Variants in IQCM observed in about 807,000 individuals in gnomAD.
IQCM encodes IQ domain-containing protein M.
IQCM carries 45 observed loss-of-function variants against 57.6 expected under a neutral mutation model. The ratio of observed to expected loss-of-function variants is 0.78; its 90% CI spans 0.62 to 1.00. The LOEUF is 1.00. Among genes scored for constraint, IQCM ranks in the 50% least tolerant of loss-of-function variants. The probability of loss-of-function intolerance (pLI) is 0.00; values close to 1 mark genes in which losing one functional copy is unlikely to be tolerated. For missense variants in IQCM, 468 were observed against 511.6 expected, an observed-to-expected ratio of 0.91 and a Z score of 0.82; for synonymous variants, 148 against 158.9, an observed-to-expected ratio of 0.93 and a Z score of 0.51.
intron 2 of IQCM, among the ~76,000 whole-genome samples, chr4:149,773,603 C>T (rs1235453737): frequency 1.3e-5 from 2 of 152,192 alleles, no homozygotes; most frequent in African/African-American, 4.8e-5. Context: ...TTTCTTTTTA[C>T]ATCAAACTGT....
At chr4:149,772,381 T>C (rs1333567057) in intron 2 of IQCM, among the ~76,000 whole-genome samples, 1 of 152,170 alleles carries the variant, frequency 6.6e-6, no homozygotes, top group Non-Finnish European at 1.5e-5. Flanking sequence ...CTCTACTCTG[T>C]TATATATATT....
chr4:149,395,209 C>T (rs1020549683), intron 13 of IQCM, among the ~76,000 whole-genome samples: 1 of 151,988 alleles, frequency 6.6e-6, no homozygotes, highest in African/African-American at 2.4e-5. Context: ...CTAGGAAACA[C>T]ATGGCAACTA....
At chr4:149,364,954 C>T (rs1729732039) in intron 13 of IQCM, among the ~76,000 whole-genome samples, 1 of 151,798 alleles carries the variant, frequency 6.6e-6, no homozygotes, top group South Asian at 2.1e-4. Flanking sequence ...ACAAAATGCA[C>T]ATGGATACAG....
intron 13 of IQCM, among the ~76,000 whole-genome samples, chr4:149,402,510 C>G (rs1434773691): frequency 6.6e-6 from 1 of 151,702 alleles, no homozygotes; most frequent in Non-Finnish European, 1.5e-5. Flanking sequence ...ATTATTTCTT[C>G]CCATGAAGGT....
At chr4:149,403,159 G>T (rs1404227836) in intron 13 of IQCM, among the ~76,000 whole-genome samples, 6 of 151,802 alleles carry the variant, frequency 4.0e-5, no homozygotes, top group Admixed American at 4.0e-4. Context: ...GAATTTAGCT[G>T]GTGTTCAATT....
intron 2 of IQCM, among the ~76,000 whole-genome samples, chr4:149,753,382 T>A (rs893954053): frequency 6.6e-6 from 1 of 151,984 alleles, no homozygotes; most frequent in Admixed American, 6.6e-5. Context: ...AATAGAGATA[T>A]GAAATAGAAC....
intron 10 of IQCM, among the ~76,000 whole-genome samples, chr4:149,557,563 C>T (rs570260262): frequency 2.0e-5 from 3 of 152,192 alleles, no homozygotes; most frequent in African/African-American, 4.8e-5. Flanking sequence ...TCAATCTCCT[C>T]GAACATTCAA....
At chr4:149,576,434 A>C (rs1404640657) in intron 9 of IQCM, among the ~76,000 whole-genome samples, 1 of 151,824 alleles carries the variant, frequency 6.6e-6, no homozygotes, top group Non-Finnish European at 1.5e-5. Flanking sequence ...GTTTTTGGTT[A>C]CATGGATGAA....
intron 13 of IQCM, among the ~76,000 whole-genome samples, chr4:149,402,021 A>G (rs1399813723): frequency 6.6e-6 from 1 of 151,866 alleles, no homozygotes. Context: ...GTAATTTTTC[A>G]TGACAACTCT....
At chr4:149,465,508 G>A (rs1738761395) in intron 12 of IQCM, among the ~76,000 whole-genome samples, 1 of 152,148 alleles carries the variant, frequency 6.6e-6, no homozygotes. Context: ...AGAGCTTGCT[G>A]AGAGATATAT....
intron 5 of IQCM, among the ~76,000 whole-genome samples, chr4:149,696,413 T>C (rs188275302): frequency 1.3e-5 from 2 of 152,306 alleles, no homozygotes; most frequent in African/African-American, 2.4e-5. Flanking sequence ...GAATGAAGTG[T>C]CTTCAGCCTG....
chr4:149,566,640 G>A (rs568103691), intron 9 of IQCM, among the ~76,000 whole-genome samples: 6 of 152,206 alleles, frequency 3.9e-5, no homozygotes, highest in South Asian at 2.1e-4. Flanking sequence ...ACTATATTAC[G>A]TAAAAAATAA....
chr4:149,355,420 C>T (rs71618318), intron 13 of IQCM, among the ~76,000 whole-genome samples: 38,481 of 135,136 alleles, frequency 0.28, 5,480 homozygotes, highest in Middle Eastern at 0.34. Flanking sequence ...CAGGCCCCAG[C>T]GTGTGATGTT....
At chr4:149,544,433 AT>A (rs1291905385) in intron 12 of IQCM, among the ~76,000 whole-genome samples, 3 of 152,176 alleles carry the variant, frequency 2.0e-5, no homozygotes, top group African/African-American at 4.8e-5. Flanking sequence ...TTGAAAAGGT[AT>A]ATTGTGTTCA....
At chr4:149,619,247 A>G (rs1224417365) in intron 8 of IQCM, among the ~76,000 whole-genome samples, 2 of 151,966 alleles carry the variant, frequency 1.3e-5, no homozygotes, top group Non-Finnish European at 2.9e-5. Flanking sequence ...AGAAAGTCAA[A>G]AACCACATGT....
chr4:149,589,035 C>A (rs1330157125), intron 8 of IQCM, among the ~76,000 whole-genome samples: 1 of 151,892 alleles, frequency 6.6e-6, no homozygotes. Flanking sequence ...GATAATTCTA[C>A]AAGACCCCAG....
intron 2 of IQCM, among the ~76,000 whole-genome samples, chr4:149,806,693 A>G (rs1468784938): frequency 6.6e-6 from 1 of 152,014 alleles, no homozygotes; most frequent in Non-Finnish European, 1.5e-5. Context: ...TCATCAGTAA[A>G]TAAAGGATCA....
chr4:149,512,111 TGGGCCAC>T (rs780496064), intron 12 of IQCM, among the ~76,000 whole-genome samples: 2 of 152,228 alleles, frequency 1.3e-5, no homozygotes, highest in Non-Finnish European at 2.9e-5. Flanking sequence ...AAGTTGTTCA[TGGGCCAC>T]CTTGTGGCTG....
chr4:149,489,806 C>A (rs140231755), intron 12 of IQCM, among the ~76,000 whole-genome samples: 1 of 151,288 alleles, frequency 6.6e-6, no homozygotes, highest in Non-Finnish European at 1.5e-5. Context: ...CATATATATG[C>A]ATATCTATAA....
Sources: gnomAD v4.1 joint callset for allele counts (sites outside exome capture counted in the v4.1 genomes callset) on GRCh38, gnomAD v4.1.1 for gene constraint, MANE v1.5 for transcripts, NCBI Gene and HGNC (gene_info 2026-07-23, HGNC 2026-07-21) for gene names.